ADAM28: variants seen among roughly 807,000 people sequenced by gnomAD.
ADAM28 encodes ADAM metallopeptidase domain 28.
A neutral mutation model predicts 101.2 loss-of-function variants in ADAM28; 105 were observed. That is an observed-to-expected ratio of 1.04 (90% CI 0.89 to 1.22). The LOEUF is 1.22. ADAM28 is among the 50% of genes most tolerant of loss of function. The pLI is 0.00. For synonymous variants in ADAM28, 322 were observed against 310.6 expected, an observed-to-expected ratio of 1.04 and a Z score of -0.39; for missense variants, 1,028 against 945.4, an observed-to-expected ratio of 1.09 and a Z score of -1.15.
In ADAM28 at chr8:24,358,629, C is replaced by G. The variant is rs1367793372; in HGVS notation, c.*4225C>G. ...TTTGCTGCTTCCATAAAAAGGCTTT[C>G]CCTTGACAATGTTAGGCACTTTTTA... On this transcript the variant is annotated 3_prime_UTR_variant, in exon 23 of 23. Transcript: ENST00000265769. 1 of 151,746 alleles carries G rather than the reference C, an allele frequency of 6.6e-6. No individual in the cohort carries two copies. The highest frequency in any genetic ancestry group is 2.4e-5 in the African/African-American group (1 of 41,084). 9.4% of individuals were successfully genotyped at this position (151,746 alleles called of 1,614,324 possible).
chr8:24,326,491 A>G, intron 9 of ADAM28, 63 bp from the exon 10 acceptor site: 1 of 1,469,870 alleles, frequency 6.8e-7, no homozygotes, highest in Non-Finnish European at 9.5e-7. Context: ...TTTTGGATGT[A>G]TTGTCTATAA....
chr8:24,294,143 A>G lies in ADAM28; in HGVS notation c.-7A>G, dbSNP rs770373698. ...GAGCAGACACCGTGCTCCTGGAATC[A>G]CCCAGCATGTTGCAAGGTCTCCTGC... On this transcript the variant is annotated 5_prime_UTR_variant, in exon 1 of 23. Coordinates refer to ENST00000265769, the MANE Select transcript of ADAM28 (RefSeq NM_014265.6). 3 of 1,614,036 alleles carry G rather than the reference A, an allele frequency of 1.9e-6. No individual in the cohort carries two copies. The highest frequency in any genetic ancestry group is 2.7e-5 in the African/African-American group (2 of 75,010).
Position 24,356,953 on chromosome 8 carries a change from A to G in ADAM28, c.*2549A>G, listed in dbSNP as rs1212143891. ...AATTTTAGTTGGTTGCAGTCAGAGA[A>G]TATGGAAAGGGTTATTATTATAATT... On this transcript the variant is annotated 3_prime_UTR_variant, in exon 23 of 23. Coordinates refer to ENST00000265769, the MANE Select transcript of ADAM28 (RefSeq NM_014265.6). 1.3e-5 allele frequency: 2 copies of G among 152,214 alleles called. No homozygotes were observed. The highest frequency in any genetic ancestry group is 1.9e-4 in the East Asian group (1 of 5,194). The allele number at this position is 152,214 out of a possible 1,614,324, so 9.4% of individuals were successfully genotyped here. A position where few individuals can be genotyped will look rare whatever the true frequency, so the allele number is the denominator to read the frequency against.
At chr8:24,329,742 C>G (rs767243033) in intron 10 of ADAM28, among the ~76,000 whole-genome samples, 15 of 151,916 alleles carry the variant, frequency 9.9e-5, no homozygotes, top group Non-Finnish European at 2.2e-4. Context: ...GGAAAGAAAA[C>G]TAGAACAATT....
At chr8:24,299,677 T>C (rs1196050596) in intron 1 of ADAM28, among the ~76,000 whole-genome samples, 1 of 152,232 alleles carries the variant, frequency 6.6e-6, no homozygotes, top group African/African-American at 2.4e-5. Context: ...CACTGCAGGA[T>C]CAAAGATAAG....
At chr8:24,352,661 A>G (rs965054823) in intron 21 of ADAM28, among the ~76,000 whole-genome samples, 1 of 152,196 alleles carries the variant, frequency 6.6e-6, no homozygotes, top group African/African-American at 2.4e-5. Context: ...AATCATCTTT[A>G]TCAGATACCT....
At chr8:24,294,224 A>G (rs1290042541) in intron 1 of ADAM28, 29 bp downstream of exon 1, 2 of 1,611,560 alleles carry the variant, frequency 1.2e-6, no homozygotes, top group African/African-American at 1.3e-5. Flanking sequence ...TTCAGGTTCT[A>G]TTGAATGCAT....
Position 24,349,847 on chromosome 8 carries a change from C to T in ADAM28, c.1991-17C>T. Reference sequence around the variant, plus strand: ...GTGTTTCTGCAGTCCTCAGCGGGCCCCTGTTCTCTGCTGCAGACTTCTCCA... The same window carrying T: ...GTGTTTCTGCAGTCCTCAGCGGGCCTCTGTTCTCTGCTGCAGACTTCTCCA... On this transcript the variant is annotated splice_polypyrimidine_tract_variant and intron_variant, in intron 18 of 22. Transcript: ENST00000265769. 3 of 1,610,176 alleles carry T rather than the reference C, an allele frequency of 1.9e-6. No homozygotes were observed. Among genetic ancestry groups the T allele is most frequent in the South Asian group, 2.2e-5 (2 of 90,954 alleles).
intron 15 of ADAM28, 141 bp from the exon 16 acceptor site, chr8:24,341,457 A>G (rs552250035): frequency 2.4e-6 from 2 of 837,400 alleles, no homozygotes; most frequent in Non-Finnish European, 3.8e-6. Context: ...TATTACTGAG[A>G]AATAAGGGAA....
intron 18 of ADAM28, among the ~76,000 whole-genome samples, chr8:24,344,377 T>C: frequency 6.6e-6 from 1 of 152,186 alleles, no homozygotes; most frequent in Non-Finnish European, 1.5e-5. Flanking sequence ...GCCTCTGTCC[T>C]CCTGTTCATG....
intron 6 of ADAM28, among the ~76,000 whole-genome samples, chr8:24,319,798 C>G (rs1811629053): frequency 1.3e-5 from 2 of 151,640 alleles, no homozygotes; most frequent in Admixed American, 1.3e-4. Flanking sequence ...CTGCATTGCA[C>G]CATTGATAAC....
rs1021799660 is a variant in ADAM28 at position 24,321,059 on chromosome 8, G to C, written c.649-159G>C. Among the ~76,000 whole-genome samples, 4 of 151,890 alleles carry C rather than the reference G, an allele frequency of 2.6e-5. No homozygotes were observed. In the South Asian group the frequency reaches 8.3e-4, roughly 31 times the overall value. ...CTCCCAAAGTGCTTTAATGTAGCTA[G>C]ATGAATAGGAATTAATTTGATTCTA... On this transcript the variant is annotated intron_variant, in intron 7 of 22. Transcript: ENST00000265769.
chr8:24,298,034 T>C (rs1414599158), intron 1 of ADAM28, among the ~76,000 whole-genome samples: 2 of 152,156 alleles, frequency 1.3e-5, no homozygotes, highest in African/African-American at 2.4e-5. Flanking sequence ...TTTTATCACA[T>C]TGGATCAGAA....
chr8:24,349,037 C>T (rs977086076), intron 18 of ADAM28, among the ~76,000 whole-genome samples: 1 of 152,118 alleles, frequency 6.6e-6, no homozygotes, highest in Admixed American at 6.6e-5. Flanking sequence ...AAGTCATTGT[C>T]TTACCTAGAA....
At chr8:24,342,223 A>G (rs1184248398) in intron 16 of ADAM28, among the ~76,000 whole-genome samples, 1 of 152,176 alleles carries the variant, frequency 6.6e-6, no homozygotes, top group Non-Finnish European at 1.5e-5. Flanking sequence ...AACTTTGACC[A>G]TGAGGTTTGT....
chr8:24,319,929 G>A (rs1350502913), intron 6 of ADAM28, among the ~76,000 whole-genome samples: 1 of 151,950 alleles, frequency 6.6e-6, no homozygotes, highest in Non-Finnish European at 1.5e-5. Context: ...TCAGGATGGT[G>A]AAGAAGTCTA....
At chr8:24,327,910 A>G (rs1280782762) in intron 10 of ADAM28, among the ~76,000 whole-genome samples, 2 of 152,104 alleles carry the variant, frequency 1.3e-5, no homozygotes, top group African/African-American at 2.4e-5. Flanking sequence ...ATATCACCAT[A>G]AATACACAAT....
chr8:24,342,362 T>C (rs1334890947), intron 16 of ADAM28, among the ~76,000 whole-genome samples: 2 of 152,206 alleles, frequency 1.3e-5, no homozygotes, highest in African/African-American at 2.4e-5. Context: ...CTTAAACTGA[T>C]TTGGCTATTT....
intron 6 of ADAM28, among the ~76,000 whole-genome samples, chr8:24,315,883 T>C (rs1465688526): frequency 6.6e-6 from 1 of 151,988 alleles, no homozygotes; most frequent in Non-Finnish European, 1.5e-5. Context: ...ATATCAATTA[T>C]ATCAACAGAC....
Sources: allele counts gnomAD v4.1 joint callset (sites outside exome capture counted in the v4.1 genomes callset), GRCh38; gene constraint gnomAD v4.1.1; transcripts MANE v1.5; gene names NCBI Gene and HGNC (gene_info 2026-07-23, HGNC 2026-07-21).